LAMA2: variants seen among roughly 807,000 people sequenced by gnomAD.
LAMA2 encodes laminin subunit alpha-2.
Under a neutral mutation model 364.8 loss-of-function variants are expected in LAMA2, and 269 were observed. The ratio of observed to expected loss-of-function variants is 0.74; its 90% CI spans 0.67 to 0.82. The LOEUF is 0.82. Ranked by LOEUF, LAMA2 falls within the 40% of genes least tolerant of loss-of-function variation. The probability of loss-of-function intolerance (pLI) is 0.00; values close to 1 mark genes in which losing one functional copy is unlikely to be tolerated. For missense variants in LAMA2, 3,807 were observed against 3,873.2 expected (o/e 0.98, Z 0.45); for synonymous variants, 1,379 against 1,370.6 (o/e 1.01, Z -0.14).
At chr6:129,373,176 G>A (rs9492312) in intron 34 of LAMA2, among the ~76,000 whole-genome samples, 1 of 152,106 alleles carries the variant, frequency 6.6e-6, no homozygotes. Context: ...TCCTTGTTGA[G>A]CCTTTGGTGT....
intron 12 of LAMA2, among the ~76,000 whole-genome samples, chr6:129,218,114 G>A (rs1783546887): frequency 2.0e-5 from 3 of 152,106 alleles, no homozygotes; most frequent in African/African-American, 7.2e-5. Context: ...TATTACCACA[G>A]ATGGCATCAC....
chr6:129,454,107 A>G, intron 46 of LAMA2, 48 bp from the exon 47 acceptor site: 1 of 1,562,542 alleles, frequency 6.4e-7, no homozygotes, highest in Non-Finnish European at 8.8e-7. Context: ...TCCTCTTTAA[A>G]GGTGCTTTAT....
chr6:129,205,478 GTATA>G lies in LAMA2; in HGVS notation c.1782+12638_1782+12641del, dbSNP rs749614184. 1.9e-4 allele frequency among the ~76,000 whole-genome samples: 22 copies of G among 116,408 alleles called. 1 individual carries two copies. Among genetic ancestry groups the G allele is most frequent in the East Asian group, 1.0e-3 (4 of 4,010 alleles). The allele number at this position is 116,408 out of a possible 152,430, so 76.4% of individuals were successfully genotyped here. The stretch of plus-strand genomic sequence containing the variant: ...TCTCTTCTGGGAATTTATTCTGTAA[GTATA>G]TATATATATATACACACACACACAC... On this transcript the variant is annotated intron_variant, in intron 12 of 64. Transcript: ENST00000421865.
chr6:128,972,060 A>G (rs917023575), intron 1 of LAMA2, among the ~76,000 whole-genome samples: 1 of 152,316 alleles, frequency 6.6e-6, no homozygotes. Context: ...TATACATGCT[A>G]GGTGCATAGA....
chr6:129,319,784 A>T (rs921511832), intron 27 of LAMA2, among the ~76,000 whole-genome samples: 1 of 152,156 alleles, frequency 6.6e-6, no homozygotes, highest in African/African-American at 2.4e-5. Context: ...TTGTGTGGGT[A>T]TTATATATTG....
intron 12 of LAMA2, among the ~76,000 whole-genome samples, chr6:129,228,255 A>AT (rs1188977821): frequency 6.6e-6 from 1 of 152,132 alleles, no homozygotes; most frequent in African/African-American, 2.4e-5. Flanking sequence ...AGGAAAGGGA[A>AT]TTTCCTGACC....
chr6:129,016,915 T>C (rs1286450030), intron 1 of LAMA2, among the ~76,000 whole-genome samples: 1 of 151,724 alleles, frequency 6.6e-6, no homozygotes, highest in African/African-American at 2.4e-5. Flanking sequence ...TTTAAAATGT[T>C]CTAAGAGAAA....
chr6:129,171,753 A>G lies in LAMA2; in HGVS notation c.1307-5953A>G, dbSNP rs1304536884. Among the ~76,000 whole-genome samples, 14 of 119,548 alleles carry G rather than the reference A, an allele frequency of 1.2e-4. 1 individual carries two copies. The highest frequency in any genetic ancestry group is 4.7e-4 in the African/African-American group (14 of 29,894). 78.4% of individuals were successfully genotyped at this position (119,548 alleles called of 152,430 possible). On this transcript the variant is annotated intron_variant, in intron 9 of 64. Coordinates refer to ENST00000421865, the MANE Select transcript of LAMA2 (RefSeq NM_000426.4). Reference sequence around the variant, plus strand: ...CTAGATTGGGGAAGTTCTCCTGGATAATATCCTGCAGAGTGTTTTCCAACT... The same window carrying G: ...CTAGATTGGGGAAGTTCTCCTGGATGATATCCTGCAGAGTGTTTTCCAACT...
At chr6:128,904,755 C>T (rs777845522) in intron 1 of LAMA2, among the ~76,000 whole-genome samples, 2 of 152,178 alleles carry the variant, frequency 1.3e-5, no homozygotes, top group Non-Finnish European at 2.9e-5. Flanking sequence ...CAGTGCCCAG[C>T]CTTCCTGCTG....
intron 42 of LAMA2, among the ~76,000 whole-genome samples, chr6:129,439,812 T>C (rs4304193): frequency 0.51 from 73,279 of 143,964 alleles, 19,667 homozygotes; most frequent in African/African-American, 0.68. Context: ...TTCATTTGCT[T>C]GCATCAATTG....
At chr6:129,172,190 C>G (rs1300347421) in intron 9 of LAMA2, among the ~76,000 whole-genome samples, 7 of 152,184 alleles carry the variant, frequency 4.6e-5, no homozygotes, top group Non-Finnish European at 4.4e-5. Flanking sequence ...AAGTCGTTCT[C>G]CATCCAGCTT....
intron 12 of LAMA2, among the ~76,000 whole-genome samples, chr6:129,238,708 A>G (rs1258896687): frequency 6.6e-6 from 1 of 152,136 alleles, no homozygotes; most frequent in Admixed American, 6.6e-5. Context: ...AACTTGAACA[A>G]TTTAACCTCT....
At chr6:129,048,246 T>C (rs920806590) in intron 1 of LAMA2, among the ~76,000 whole-genome samples, 37 of 152,152 alleles carry the variant, frequency 2.4e-4, no homozygotes, top group African/African-American at 8.2e-4. Flanking sequence ...TATAATCTAA[T>C]TATTCGTTTA....
chr6:129,209,997 C>G (rs889986370), intron 12 of LAMA2, among the ~76,000 whole-genome samples: 5 of 78,720 alleles, frequency 6.4e-5, no homozygotes, highest in African/African-American at 1.9e-4. Context: ...GAGCGAGACT[C>G]CATCTCAAAA....
chr6:128,978,169 G>T (rs1317045210), intron 1 of LAMA2, among the ~76,000 whole-genome samples: 1 of 152,110 alleles, frequency 6.6e-6, no homozygotes, highest in African/African-American at 2.4e-5. Flanking sequence ...AGAGTCAAAG[G>T]CAGGGTCTGA....
intron 12 of LAMA2, among the ~76,000 whole-genome samples, chr6:129,195,012 T>A (rs1482146631): frequency 6.6e-6 from 1 of 152,192 alleles, no homozygotes; most frequent in Non-Finnish European, 1.5e-5. Context: ...AAATAGCGTA[T>A]CAAGATACAA....
At chr6:129,059,939 A>G (rs375789131) in intron 3 of LAMA2, 43 bp downstream of exon 3, 37 of 1,057,324 alleles carry the variant, frequency 3.5e-5, no homozygotes, top group South Asian at 3.3e-4. Context: ...TTGAAATTGC[A>G]TTTTACATTT....
At chr6:129,237,901 G>T (rs1020400937) in intron 12 of LAMA2, among the ~76,000 whole-genome samples, 2 of 151,230 alleles carry the variant, frequency 1.3e-5, no homozygotes, top group African/African-American at 4.9e-5. Context: ...GCTCACGCCT[G>T]TAATCTCACC....
chr6:129,107,499 A>G (rs950326238), intron 4 of LAMA2, among the ~76,000 whole-genome samples: 3 of 152,248 alleles, frequency 2.0e-5, no homozygotes, highest in Middle Eastern at 3.4e-3. Flanking sequence ...TAAGCAAAGC[A>G]AAAAACCACA....
Sources: gnomAD v4.1 joint callset for allele counts (sites outside exome capture counted in the v4.1 genomes callset) on GRCh38, gnomAD v4.1.1 for gene constraint, MANE v1.5 for transcripts, NCBI Gene and HGNC (gene_info 2026-07-23, HGNC 2026-07-21) for gene names.